Variants in SLC1A1 observed in about 807,000 individuals in gnomAD.
The protein encoded by SLC1A1 is solute carrier family 1 member 1.
A neutral mutation model predicts 53.3 loss-of-function variants in SLC1A1; 43 were observed. The observed-to-expected ratio is 0.81, with a 90% CI of 0.63 to 1.04. The LOEUF is 1.04. Ranked by LOEUF, SLC1A1 falls within the 50% of genes least tolerant of loss-of-function variation. The pLI, the probability that SLC1A1 is intolerant of heterozygous loss-of-function variation, is 0.00. For synonymous variants in SLC1A1, 307 were observed against 243.2 expected (o/e 1.26, Z -2.44); for missense variants, 748 against 664.9 (o/e 1.12, Z -1.37).
In SLC1A1 at chr9:4,577,347, G is replaced by C. The variant is rs574881396; in HGVS notation, c.1193+584G>C. On this transcript the variant is annotated intron_variant, in intron 10 of 11. Transcript: ENST00000262352. ...GATTTCTTGCTATGGCTGGCATAAA[G>C]GATACATAAACATTCCTTTATGTTT... Among the ~76,000 whole-genome samples the C allele has an allele frequency of 2.0e-5, 3 of 152,198 alleles. No homozygotes were observed. In the East Asian group the frequency reaches 5.8e-4, roughly 29 times the overall value.
At chr9:4,504,692 T>C (rs1820740991) in intron 1 of SLC1A1, among the ~76,000 whole-genome samples, 2 of 152,212 alleles carry the variant, frequency 1.3e-5, no homozygotes, top group South Asian at 4.1e-4. Context: ...GTGATTGGGT[T>C]TGAAAGATTT....
chr9:4,575,949 G>A (rs1477826355), intron 8 of SLC1A1, 52 bp from the exon 9 acceptor site: 54 of 1,600,472 alleles, frequency 3.4e-5, no homozygotes, highest in Non-Finnish European at 2.7e-5. Context: ...AGGATTAAGT[G>A]TGGGGAGGTG....
rs779205364 is a variant in SLC1A1 at position 4,549,261 on chromosome 9, A to T, written c.232+4554A>T. On this transcript the variant is annotated intron_variant, in intron 2 of 11. Coordinates refer to ENST00000262352, the MANE Select transcript of SLC1A1 (RefSeq NM_004170.6). This position sits in a 1 kb window ranked among gnomAD's most constrained non-coding sequence, Gnocchi z 4.1. ...TGCCACCCCCGCCTGGGCCAGAAGC[A>T]CTCCAGTGGGCACAGCTGCGCCTCC... Among the ~76,000 whole-genome samples the T allele has an allele frequency of 5.9e-5, 9 of 152,000 alleles. No individual in the cohort carries two copies. The highest frequency in any genetic ancestry group is 1.2e-4 in the Non-Finnish European group (8 of 67,968).
chr9:4,573,915 C>A lies in SLC1A1; in HGVS notation c.776C>A (p.Pro259Gln). The A allele has an allele frequency of 6.2e-7, 1 of 1,606,218 alleles. No homozygotes were observed. The highest frequency in any genetic ancestry group is 8.5e-7 in the Non-Finnish European group (1 of 1,172,826). ...KIVQIIMCYM[P>Q]LGILFLIAGK... ...TTGTGCTTCCTTTCCAGTTATATGC[C>A]ACTAGGTATTTTGTTCCTGATTGCT... is the stretch of plus-strand genomic sequence containing the variant. Residue 259 changes from proline (P) to glutamine (Q), a missense_variant, in exon 8 of 12, where the codon CCA becomes CAA. Pro to Gln is a moderately conservative substitution (Grantham distance 76, BLOSUM62 -1). Transcript: ENST00000262352.
intron 1 of SLC1A1, among the ~76,000 whole-genome samples, chr9:4,503,498 T>C (rs141029493): frequency 6.6e-6 from 1 of 151,918 alleles, no homozygotes; most frequent in East Asian, 1.9e-4. Flanking sequence ...TGCAGCATGC[T>C]GTGGGCCTTC....
intron 1 of SLC1A1, among the ~76,000 whole-genome samples, chr9:4,536,467 G>C (rs559516508): frequency 1.3e-5 from 2 of 152,176 alleles, no homozygotes; most frequent in Non-Finnish European, 1.5e-5. Context: ...GGTCATCAGA[G>C]AAATGCAAAT....
rs757124691 is a variant in SLC1A1 at position 4,585,475 on chromosome 9, G to A, written c.1492G>A (p.Asp498Asn). 45 of 1,614,080 alleles carry A rather than the reference G, an allele frequency of 2.8e-5. No homozygotes were observed. Among genetic ancestry groups the A allele is most frequent in the Non-Finnish European group, 3.7e-5 (44 of 1,180,040 alleles). Reference sequence around the variant, plus strand: ...CACAATCCTTGACAACGAAGACTCAGACACCAAGAAGTCTTATGTCAATGG... The same window carrying A: ...CACAATCCTTGACAACGAAGACTCAAACACCAAGAAGTCTTATGTCAATGG... ...ESTILDNEDS[D>N]TKKSYVNGGF... The change falls in exon 12 of 12, where the codon GAC becomes AAC. Residue 498 changes from aspartate to asparagine, a missense_variant. Coordinates refer to ENST00000262352, the MANE Select transcript of SLC1A1 (RefSeq NM_004170.6).
chr9:4,492,508 CTT>C (rs1254341958), intron 1 of SLC1A1, among the ~76,000 whole-genome samples: 3 of 149,476 alleles, frequency 2.0e-5, no homozygotes, highest in Admixed American at 2.0e-4. Flanking sequence ...AGGAAAAGGA[CTT>C]TTAGAGGGCC....
At chr9:4,584,202 A>C (rs1821379799) in intron 11 of SLC1A1, among the ~76,000 whole-genome samples, 1 of 152,210 alleles carries the variant, frequency 6.6e-6, no homozygotes, top group South Asian at 2.1e-4. Flanking sequence ...TGGGCTTGAA[A>C]ACACAGATTC....
chr9:4,585,188 A>G, intron 11 of SLC1A1, 124 bp from the exon 12 acceptor site: 1 of 1,316,606 alleles, frequency 7.6e-7, no homozygotes, highest in Non-Finnish European at 1.1e-6. Flanking sequence ...TCAGTCAGCC[A>G]TGAGGACAGC....
intron 2 of SLC1A1, among the ~76,000 whole-genome samples, chr9:4,545,189 G>GTCTCTCTCTCTCTCTC (rs6150901): frequency 0.17 from 22,529 of 130,408 alleles, 2,494 homozygotes; most frequent in Non-Finnish European, 0.22. Flanking sequence ...TACATTAGAT[G>GTCTCTCTCTCTCTCTC]TCTCTCTCTC....
intron 5 of SLC1A1, among the ~76,000 whole-genome samples, chr9:4,567,231 G>A (rs1269149830): frequency 6.6e-6 from 1 of 152,198 alleles, no homozygotes; most frequent in Non-Finnish European, 1.5e-5. Context: ...CTTTCTTGAT[G>A]CTTATTAAAG....
chr9:4,572,149 T>C, intron 6 of SLC1A1, 55 bp from the exon 7 acceptor site: 2 of 1,478,926 alleles, frequency 1.4e-6, no homozygotes, highest in Non-Finnish European at 1.9e-6. Flanking sequence ...GGACCTGTGC[T>C]TTCTAACAAG....
chr9:4,498,624 A>C (rs1441346342), intron 1 of SLC1A1, among the ~76,000 whole-genome samples: 2 of 151,968 alleles, frequency 1.3e-5, no homozygotes, highest in Admixed American at 6.6e-5. Flanking sequence ...TATTTCTGAA[A>C]AGTGATGAAA....
intron 2 of SLC1A1, among the ~76,000 whole-genome samples, chr9:4,551,295 G>T (rs1298334611): frequency 6.6e-6 from 1 of 152,026 alleles, no homozygotes; most frequent in African/African-American, 2.4e-5. Context: ...CCTATGAAAA[G>T]AACCATGCCA....
At chr9:4,491,890 A>G (rs1233259498) in intron 1 of SLC1A1, among the ~76,000 whole-genome samples, 2 of 152,122 alleles carry the variant, frequency 1.3e-5, no homozygotes, top group East Asian at 1.9e-4. Context: ...CTCAGAATAT[A>G]TGGTGTTGCT....
intron 7 of SLC1A1, among the ~76,000 whole-genome samples, chr9:4,573,685 T>A (rs1276183309): frequency 6.6e-6 from 1 of 151,920 alleles, no homozygotes; most frequent in African/African-American, 2.4e-5. Context: ...CCTATGGTAG[T>A]TTGGATGGGT....
intron 10 of SLC1A1, among the ~76,000 whole-genome samples, chr9:4,582,133 T>C (rs572325059): frequency 6.6e-6 from 1 of 152,366 alleles, no homozygotes; most frequent in Admixed American, 6.5e-5. Flanking sequence ...TCAGGGCATG[T>C]TGAACCCTTG....
intron 1 of SLC1A1, among the ~76,000 whole-genome samples, chr9:4,501,970 C>T (rs1820646782): frequency 6.6e-6 from 1 of 151,740 alleles, no homozygotes. Context: ...AATGCCTAAA[C>T]TACAGAGAGC....
Sources: gnomAD v4.1 joint callset for allele counts (sites outside exome capture counted in the v4.1 genomes callset) on GRCh38, gnomAD v4.1.1 for gene constraint, Gnocchi (gnomAD v3.1) non-coding constraint, MANE v1.5 for transcripts, NCBI Gene and HGNC (gene_info 2026-07-23, HGNC 2026-07-21) for gene names.